Variants in INSC observed in about 807,000 individuals in gnomAD.
INSC encodes the protein protein inscuteable homolog.
A neutral mutation model predicts 58.6 loss-of-function variants in INSC; 67 were observed. The ratio of observed to expected loss-of-function variants is 1.14; its 90% CI spans 0.94 to 1.40. The LOEUF (loss-of-function observed/expected upper bound fraction) is 1.40. Among genes scored for constraint, INSC ranks in the 40% most tolerant of loss-of-function variants. The pLI, the probability that INSC is intolerant of heterozygous loss-of-function variation, is 0.00. For missense variants in INSC, 714 were observed against 692.0 expected (o/e 1.03, Z -0.36); for synonymous variants, 262 against 276.1 (o/e 0.95, Z 0.51).
chr11:15,176,004 G>A lies in INSC; in HGVS notation c.320G>A (p.Ser107Asn). 6.2e-7 allele frequency: 1 copy of A among 1,601,000 alleles called. No individual in the cohort carries two copies. Among genetic ancestry groups the A allele is most frequent in the Non-Finnish European group, 8.5e-7 (1 of 1,173,590 alleles). ...QDRWARVHSM[S>N]VRLTCHARSM... ...CGCTGGGCACGGGTGCACAGCATGA[G>A]CGTGCGTCTGACCTGCCATGCCCGC... Residue 107 changes from serine (S) to asparagine (N), a missense_variant, in exon 3 of 13, where the codon AGC (serine) becomes AAC (asparagine). By Grantham distance (46) the Ser-to-Asn change is conservative. Transcript: ENST00000379556.
At chr11:15,257,950 G>A in the INSC span, among the ~76,000 whole-genome samples, 1 of 152,016 alleles carries the variant, frequency 6.6e-6, no homozygotes, top group Non-Finnish European at 1.5e-5. Context: ...AAAACACATG[G>A]GAAAGATACA....
intron 12 of INSC, among the ~76,000 whole-genome samples, chr11:15,241,315 G>C (rs1303013497): frequency 6.6e-6 from 1 of 152,172 alleles, no homozygotes; most frequent in Non-Finnish European, 1.5e-5. Context: ...GGAAGTGATG[G>C]ATTTAAAGAT....
At chr11:15,245,813 AC>A in intron 12 of INSC, 98 bp from the exon 13 acceptor site, 1 of 1,467,400 alleles carries the variant, frequency 6.8e-7, no homozygotes. Flanking sequence ...TGGTAAATGC[AC>A]CACTTTCTGA....
At chr11:15,144,563 A>T (rs1475461473) in intron 1 of INSC, among the ~76,000 whole-genome samples, 1 of 152,188 alleles carries the variant, frequency 6.6e-6, no homozygotes, top group African/African-American at 2.4e-5. Context: ...CCAAAGCTTG[A>T]CTACTTTCCA....
At chr11:15,243,499 C>T (rs1852438234) in intron 12 of INSC, among the ~76,000 whole-genome samples, 1 of 152,140 alleles carries the variant, frequency 6.6e-6, no homozygotes, top group African/African-American at 2.4e-5. Flanking sequence ...CTGTTTAACC[C>T]TCCCAGAGAA....
At chr11:15,152,121 A>T (rs1343362717) in intron 2 of INSC, among the ~76,000 whole-genome samples, 4 of 152,212 alleles carry the variant, frequency 2.6e-5, no homozygotes, top group African/African-American at 9.6e-5. Flanking sequence ...AGGTTGAGTT[A>T]TATGGGAACA....
upstream of INSC, among the ~76,000 whole-genome samples, chr11:15,113,464 T>G (rs1847623247): frequency 6.6e-6 from 1 of 152,188 alleles, no homozygotes; most frequent in Non-Finnish European, 1.5e-5. Context: ...CGGCTGAGAC[T>G]ATTCTTATCA....
chr11:15,252,641 C>T, the INSC span, among the ~76,000 whole-genome samples: 10 of 152,166 alleles, frequency 6.6e-5, no homozygotes, highest in African/African-American at 2.2e-4. Context: ...CCTTTTTATG[C>T]GCTAGTCTTA....
chr11:15,254,682 G>A, the INSC span, among the ~76,000 whole-genome samples: 5 of 152,164 alleles, frequency 3.3e-5, no homozygotes, highest in South Asian at 2.1e-4. Flanking sequence ...CTCAATAAAC[G>A]TGGTTACAGT....
downstream of INSC, among the ~76,000 whole-genome samples, chr11:15,248,468 G>A (rs1339950738): frequency 4.6e-5 from 7 of 152,032 alleles, no homozygotes; most frequent in African/African-American, 1.4e-4. Context: ...TGTGTCTTAG[G>A]ACTCCCCAGA....
the INSC span, among the ~76,000 whole-genome samples, chr11:15,255,400 A>T: frequency 6.6e-6 from 1 of 152,204 alleles, no homozygotes; most frequent in Non-Finnish European, 1.5e-5. Flanking sequence ...TGAAAATAAA[A>T]GTCCTGTGCA....
chr11:15,236,283 G>A (rs915891256), intron 10 of INSC, among the ~76,000 whole-genome samples: 1 of 151,848 alleles, frequency 6.6e-6, no homozygotes, highest in Admixed American at 6.6e-5. Context: ...GAAGAGTAAG[G>A]TAGTCTCAGG....
intron 7 of INSC, among the ~76,000 whole-genome samples, chr11:15,204,723 C>T (rs1220512257): frequency 2.0e-5 from 3 of 152,222 alleles, no homozygotes; most frequent in East Asian, 1.9e-4. Context: ...GGGCATGGTT[C>T]GTGGCCAAAT....
chr11:15,162,913 C>A (rs748399180), intron 2 of INSC, among the ~76,000 whole-genome samples: 2 of 152,130 alleles, frequency 1.3e-5, no homozygotes, highest in Non-Finnish European at 2.9e-5. Context: ...ACAAACTGAA[C>A]CTATCATTGT....
At chr11:15,251,880 GTATA>G (rs1428323414), downstream of INSC, among the ~76,000 whole-genome samples, 1 of 152,130 alleles carries the variant, frequency 6.6e-6, no homozygotes, top group Non-Finnish European at 1.5e-5. Flanking sequence ...TCCACTCATG[GTATA>G]TGTTCAAAAG....
the INSC span, among the ~76,000 whole-genome samples, chr11:15,263,850 G>C: frequency 3.8e-4 from 58 of 152,240 alleles, 1 homozygote; most frequent in Admixed American, 3.1e-3. Context: ...CTGTTTCTTT[G>C]CTGGCTGTCA....
chr11:15,145,490 C>T (rs1848470377), intron 1 of INSC, among the ~76,000 whole-genome samples: 1 of 152,132 alleles, frequency 6.6e-6, no homozygotes, highest in Non-Finnish European at 1.5e-5. Flanking sequence ...TGACTTAGGG[C>T]TATGGGAGTC....
intron 1 of INSC, among the ~76,000 whole-genome samples, chr11:15,123,093 A>G (rs1448426556): frequency 6.6e-6 from 1 of 151,844 alleles, no homozygotes; most frequent in African/African-American, 2.4e-5. Context: ...AAATCTTTGT[A>G]TTTGCTGTTC....
At chr11:15,127,487 G>C (rs182523718) in intron 1 of INSC, among the ~76,000 whole-genome samples, 3 of 152,300 alleles carry the variant, frequency 2.0e-5, no homozygotes, top group African/African-American at 7.2e-5. Flanking sequence ...CAGGGTTCGC[G>C]TCAATGCTGG....
Sources: allele counts gnomAD v4.1 joint callset (sites outside exome capture counted in the v4.1 genomes callset), GRCh38; gene constraint gnomAD v4.1.1; transcripts MANE v1.5; gene names NCBI Gene and HGNC (gene_info 2026-07-23, HGNC 2026-07-21).